Variants in ABCC3 observed in about 807,000 individuals in gnomAD.
ABCC3 encodes the protein ATP-binding cassette sub-family C member 3.
Under a neutral mutation model 165.3 loss-of-function variants are expected in ABCC3, and 121 were observed. The observed-to-expected ratio is 0.73, with a 90% CI of 0.63 to 0.85. The LOEUF is 0.85. Ranked by LOEUF, ABCC3 falls within the 40% of genes least tolerant of loss-of-function variation. The pLI is 0.00. For synonymous variants in ABCC3, 733 were observed against 810.1 expected (o/e 0.90, Z 1.62); for missense variants, 1,869 against 1,964.1 (o/e 0.95, Z 0.92).
At chr17:50,661,808 T>A (rs1390087504) in intron 8 of ABCC3, among the ~76,000 whole-genome samples, 2 of 152,026 alleles carry the variant, frequency 1.3e-5, no homozygotes, top group Non-Finnish European at 2.9e-5. Flanking sequence ...TGTTCTCGGG[T>A]GTCTGGAAAA....
Position 50,678,225 on chromosome 17 carries a change from A to G in ABCC3, c.3705+6A>G. The G allele has an allele frequency of 6.6e-7, 1 of 1,520,702 alleles. No individual in the cohort carries two copies. The highest frequency in any genetic ancestry group is 1.4e-5 in the African/African-American group (1 of 71,820). 94.2% of individuals were successfully genotyped at this position (1,520,702 alleles called of 1,614,324 possible). ...CTGTGTCCTACTCCTTGCAGGTATG[A>G]AGGGCCTGGACCCCAGGGCAGGGCC... is the stretch of plus-strand genomic sequence containing the variant. On this transcript the variant is annotated splice_donor_region_variant and intron_variant, in intron 25 of 30. Transcript: ENST00000285238.
chr17:50,655,968 G>C lies in ABCC3; in HGVS notation c.182G>C (p.Arg61Pro). 6.2e-7 allele frequency: 1 copy of C among 1,614,094 alleles called. No homozygotes were observed. Among genetic ancestry groups the C allele is most frequent in the Non-Finnish European group, 8.5e-7 (1 of 1,180,014 alleles). The change falls in exon 2 of 31, where the codon CGT becomes CCT. Residue 61 changes from arginine to proline, a missense_variant. Coordinates refer to ENST00000285238, the MANE Select transcript of ABCC3 (RefSeq NM_003786.4). ...CYLLYLRHHC[R>P]GYIILSHLSK... is the part of the protein sequence containing the mutation. ...TTGCTCTACCTGCGGCACCATTGTC[G>C]TGGCTACATCATCCTCTCCCACCTG...
chr17:50,648,405 C>G (rs1430843064), intron 1 of ABCC3, among the ~76,000 whole-genome samples: 1 of 152,148 alleles, frequency 6.6e-6, no homozygotes, highest in Non-Finnish European at 1.5e-5. Flanking sequence ...AGATACTTAT[C>G]CATCTCCTCT....
Position 50,668,024 on chromosome 17 carries a change from G to T in ABCC3, c.1782+15G>T, listed in dbSNP as rs1967564084. On this transcript the variant is annotated intron_variant, in intron 13 of 30. Transcript: ENST00000285238. ...ACCTGACTCAGGTAACCCTGGGTAG[G>T]GCTGGGGGCTCTACTGGAGTTGGAA... 1 of 1,609,046 alleles carries T rather than the reference G, an allele frequency of 6.2e-7. No homozygotes were observed. The highest frequency in any genetic ancestry group is 8.5e-7 in the Non-Finnish European group (1 of 1,175,690).
At chr17:50,684,350 C>A (rs1167608369) in intron 28 of ABCC3, among the ~76,000 whole-genome samples, 1 of 152,256 alleles carries the variant, frequency 6.6e-6, no homozygotes, top group East Asian at 1.9e-4. Context: ...TGGGGAAGGA[C>A]CCCTCCAAGA....
chr17:50,656,052 G>T, intron 2 of ABCC3, 44 bp downstream of exon 2: 1 of 1,408,740 alleles, frequency 7.1e-7, no homozygotes, highest in Non-Finnish European at 9.4e-7. Context: ...TGGGCCCTGG[G>T]GATTCTGCTT....
At chr17:50,638,906 C>A (rs1460397555) in intron 1 of ABCC3, among the ~76,000 whole-genome samples, 22 of 152,148 alleles carry the variant, frequency 1.4e-4, no homozygotes, top group Non-Finnish European at 2.2e-4. Context: ...CTGGAGTTGC[C>A]CAATTTTGGA....
intron 1 of ABCC3, 150 bp from the exon 2 acceptor site, chr17:50,655,682 A>T: frequency 4.7e-6 from 3 of 641,830 alleles, no homozygotes; most frequent in South Asian, 4.5e-5. Context: ...TGGGACGACA[A>T]CTGCTCATTT....
intron 26 of ABCC3, 91 bp from the exon 27 acceptor site, chr17:50,683,519 G>T: frequency 7.2e-7 from 1 of 1,389,142 alleles, no homozygotes; most frequent in East Asian, 2.7e-5. Context: ...CATAGTTGGG[G>T]AGGATTGAGG....
chr17:50,687,573 C>G lies in ABCC3; in HGVS notation c.4318C>G (p.Leu1440Val), dbSNP rs1383822842. ...GCAGCTCGTGTGCCTGGCCCGAGCC[C>G]TGCTCCGCAAGAGCCGCATCCTGGT... is the stretch of plus-strand genomic sequence containing the variant. ...QRQLVCLARA[L>V]LRKSRILVLD... The change falls in exon 30 of 31, where the codon CTG becomes GTG. Residue 1440 changes from leucine (L) to valine (V), a missense_variant. Coordinates refer to ENST00000285238, the MANE Select transcript of ABCC3 (RefSeq NM_003786.4). 6.2e-7 allele frequency: 1 copy of G among 1,614,132 alleles called. No homozygotes were observed. The highest frequency in any genetic ancestry group is 1.1e-5 in the South Asian group (1 of 91,092).
At chr17:50,640,485 C>T (rs780707698) in intron 1 of ABCC3, among the ~76,000 whole-genome samples, 2 of 152,186 alleles carry the variant, frequency 1.3e-5, no homozygotes, top group African/African-American at 2.4e-5. Context: ...GGCCAGCAGG[C>T]GCAGCACAAC....
rs34576333 is a variant in ABCC3, at chr17:50,659,387, C to T, written c.806+19C>T. 6.3e-7 allele frequency: 1 copy of T among 1,598,704 alleles called. No homozygotes were observed. Among genetic ancestry groups the T allele is most frequent in the African/African-American group, 1.3e-5 (1 of 74,660 alleles). ...CGGCACGGTGAGGCCCTCCCCTTGCCCCAACACCCAGCCCCTTCGCTTACC... is the reference window on the plus strand; with the variant it reads ...CGGCACGGTGAGGCCCTCCCCTTGCTCCAACACCCAGCCCCTTCGCTTACC... On this transcript the variant is annotated intron_variant, in intron 7 of 30. Coordinates refer to ENST00000285238, the MANE Select transcript of ABCC3 (RefSeq NM_003786.4).
intron 26 of ABCC3, among the ~76,000 whole-genome samples, chr17:50,680,246 G>A (rs188092470): frequency 6.6e-6 from 1 of 152,318 alleles, no homozygotes; most frequent in East Asian, 1.9e-4. Flanking sequence ...GAGCTTAGAT[G>A]AGAAGGATGG....
At chr17:50,645,408 AACTC>A (rs950426280) in intron 1 of ABCC3, among the ~76,000 whole-genome samples, 7 of 149,670 alleles carry the variant, frequency 4.7e-5, no homozygotes, top group African/African-American at 1.7e-4. Flanking sequence ...AAGATGGGAG[AACTC>A]AGAACTCAAG....
In ABCC3 at chr17:50,674,041, T is replaced by C. The variant is rs575114037; in HGVS notation, c.2599+383T>C. Among the ~76,000 whole-genome samples the C allele has an allele frequency of 2.8e-4, 7 of 25,158 alleles. 1 individual carries two copies. The highest frequency in any genetic ancestry group is 1.5e-3 in the African/African-American group (4 of 2,586). 16.5% of individuals were successfully genotyped at this position (25,158 alleles called of 152,430 possible). On this transcript the variant is annotated intron_variant, in intron 19 of 30. Coordinates refer to ENST00000285238, the MANE Select transcript of ABCC3 (RefSeq NM_003786.4). ...CTCTCTCTCTCTCTCTCTCTCTTTCTTTCTTTCTTTCTTTCTTTCTTTCTT... is the reference window on the plus strand; with the variant it reads ...CTCTCTCTCTCTCTCTCTCTCTTTCCTTCTTTCTTTCTTTCTTTCTTTCTT...
In ABCC3 at chr17:50,684,096, A is replaced by C; in HGVS notation, c.4102A>C (p.Ile1368Leu). 6.2e-7 allele frequency: 1 copy of C among 1,612,782 alleles called. No individual in the cohort carries two copies. Among genetic ancestry groups the C allele is most frequent in the Non-Finnish European group, 8.5e-7 (1 of 1,179,538 alleles). ...CCATGACCTGCGCTCTCAGCTGACC[A>C]TCATCCCGCAGGTAGGAGCCTGGCA... is the stretch of plus-strand genomic sequence containing the variant. ...GLHDLRSQLT[I>L]IPQDPILFSG... is the part of the protein sequence containing the mutation. The change falls in exon 28 of 31, where the codon ATC becomes CTC. Residue 1368 changes from isoleucine (I) to leucine (L), a missense_variant. Physicochemically the swap from Ile to Leu is conservative, Grantham distance 5 (BLOSUM62 2). Coordinates refer to ENST00000285238, the MANE Select transcript of ABCC3 (RefSeq NM_003786.4).
At chr17:50,637,651 C>T (rs189176464) in intron 1 of ABCC3, among the ~76,000 whole-genome samples, 117 of 152,320 alleles carry the variant, frequency 7.7e-4, no homozygotes, top group Non-Finnish European at 3.8e-4. Flanking sequence ...TTCAGTTTCT[C>T]CACCAGTGGA....
intron 2 of ABCC3, 96 bp from the exon 3 acceptor site, chr17:50,656,606 A>T: frequency 6.7e-7 from 1 of 1,491,056 alleles, no homozygotes; most frequent in Non-Finnish European, 9.0e-7. Context: ...AGGCAGGTCT[A>T]GTGGATTCTG....
Position 50,661,123 on chromosome 17 carries a change from A to T in ABCC3, c.998+9A>T, listed in dbSNP as rs776439431. ...AATCCACAGCTGCTCAGGTCTCTCC[A>T]CACTCCGGCTCACTATAGCCCTGCC... On this transcript the variant is annotated intron_variant, in intron 8 of 30. Coordinates refer to ENST00000285238, the MANE Select transcript of ABCC3 (RefSeq NM_003786.4). 6.2e-7 allele frequency: 1 copy of T among 1,607,452 alleles called. No individual in the cohort carries two copies. Among genetic ancestry groups the T allele is most frequent in the South Asian group, 1.1e-5 (1 of 90,446 alleles).
Sources: gnomAD v4.1 joint callset for allele counts (sites outside exome capture counted in the v4.1 genomes callset) on GRCh38, gnomAD v4.1.1 for gene constraint, MANE v1.5 for transcripts, NCBI Gene and HGNC (gene_info 2026-07-23, HGNC 2026-07-21) for gene names.